RAD51B: variants seen among roughly 807,000 people sequenced by gnomAD.
RAD51B encodes RAD51 paralog B.
In RAD51B, 38 loss-of-function variants were observed where a neutral mutation model predicts 42.2. The observed-to-expected ratio is 0.90, with a 90% CI of 0.70 to 1.18. The LOEUF (loss-of-function observed/expected upper bound fraction) is 1.18, where lower values mean the gene tolerates loss of function less well. Ranked by LOEUF, RAD51B falls within the 50% of genes most tolerant of loss-of-function variation. RAD51B has a pLI of 0.00. For synonymous variants in RAD51B, 154 were observed against 145.2 expected, an observed-to-expected ratio of 1.06 and a Z score of -0.43; for missense variants, 373 against 400.7, an observed-to-expected ratio of 0.93 and a Z score of 0.59.
At chr14:67,854,733 C>T (rs996678815) in intron 4 of RAD51B, among the ~76,000 whole-genome samples, 2 of 149,794 alleles carry the variant, frequency 1.3e-5, no homozygotes, top group Non-Finnish European at 3.0e-5. Flanking sequence ...GAGGCTGAAG[C>T]AGAAGGATCG....
intron 10 of RAD51B, chr14:68,497,074 A>T: frequency 7.5e-7 from 1 of 1,339,554 alleles, no homozygotes; most frequent in Non-Finnish European, 1.0e-6. Context: ...GCAAGCCTTC[A>T]ACATCTTTTT....
chr14:67,910,604 A>T (rs1034238056), intron 7 of RAD51B, among the ~76,000 whole-genome samples: 1 of 151,652 alleles, frequency 6.6e-6, no homozygotes, highest in Non-Finnish European at 1.5e-5. Flanking sequence ...TTTTTTTTTA[A>T]AATTTTACTG....
chr14:68,321,795 T>A (rs1432071678), intron 8 of RAD51B, among the ~76,000 whole-genome samples: 1 of 152,176 alleles, frequency 6.6e-6, no homozygotes, highest in Non-Finnish European at 1.5e-5. Context: ...CTGTCATCCC[T>A]GCTGGAGTAC....
At chr14:68,042,424 A>G (rs1326975567) in intron 7 of RAD51B, among the ~76,000 whole-genome samples, 1 of 152,228 alleles carries the variant, frequency 6.6e-6, no homozygotes, top group East Asian at 1.9e-4. Context: ...TTTGTAAAGC[A>G]AGGAACAAAG....
intron 8 of RAD51B, among the ~76,000 whole-genome samples, chr14:68,316,052 A>C (rs905303289): frequency 6.6e-6 from 1 of 152,226 alleles, no homozygotes; most frequent in Non-Finnish European, 1.5e-5. Flanking sequence ...TTTACTTGAT[A>C]GCTCATTGAG....
chr14:68,387,452 TA>T (rs1353477533), intron 8 of RAD51B, among the ~76,000 whole-genome samples: 1 of 152,244 alleles, frequency 6.6e-6, no homozygotes, highest in African/African-American at 2.4e-5. Flanking sequence ...ACGTTTTTGT[TA>T]ATAACTATAT....
intron 7 of RAD51B, among the ~76,000 whole-genome samples, chr14:67,989,707 G>A (rs1369184797): frequency 6.6e-6 from 1 of 151,656 alleles, no homozygotes; most frequent in South Asian, 2.1e-4. Context: ...GGGACAGTGG[G>A]TTGGGGGGCA....
At chr14:68,412,516 A>T (rs2084447069) in intron 9 of RAD51B, among the ~76,000 whole-genome samples, 1 of 152,372 alleles carries the variant, frequency 6.6e-6, no homozygotes, top group South Asian at 2.1e-4. Flanking sequence ...TCAAGGAAGC[A>T]GGAATCATCA....
intron 10 of RAD51B, among the ~76,000 whole-genome samples, chr14:68,647,174 G>C (rs2140134845): frequency 6.6e-6 from 1 of 152,164 alleles, no homozygotes; most frequent in South Asian, 2.1e-4. Flanking sequence ...TTCACCTGTT[G>C]ATTTTTTTCA....
intron 5 of RAD51B, among the ~76,000 whole-genome samples, chr14:67,865,739 C>T (rs947556394): frequency 1.3e-5 from 2 of 151,238 alleles, no homozygotes; most frequent in East Asian, 2.0e-4. Context: ...AGTGTTTCAC[C>T]TTATTGGCCA....
At chr14:68,432,901 C>T (rs1015097256) in intron 9 of RAD51B, among the ~76,000 whole-genome samples, 10 of 152,240 alleles carry the variant, frequency 6.6e-5, no homozygotes, top group African/African-American at 2.2e-4. Context: ...TATTCCTTTC[C>T]ATGTTTAGTG....
intron 7 of RAD51B, among the ~76,000 whole-genome samples, chr14:67,926,212 A>T (rs954493452): frequency 1.4e-4 from 22 of 152,144 alleles, no homozygotes; most frequent in African/African-American, 4.6e-4. Context: ...AAACTTTTAT[A>T]TTCTGCTTCC....
chr14:68,289,428 G>A (rs918847760), intron 7 of RAD51B, among the ~76,000 whole-genome samples: 4 of 151,976 alleles, frequency 2.6e-5, no homozygotes, highest in Non-Finnish European at 4.4e-5. Context: ...TTATAAAAGA[G>A]AAATGGCCGG....
rs146346614 is a variant in RAD51B, at chr14:68,476,705, G to A, written c.1037-943G>A. 6.3e-4 allele frequency among the ~76,000 whole-genome samples: 96 copies of A among 152,228 alleles called. 1 individual carries two copies. Among genetic ancestry groups the A allele is most frequent in the African/African-American group, 1.9e-3 (80 of 41,542 alleles). On this transcript the variant is annotated intron_variant, in intron 10 of 10. Coordinates refer to ENST00000471583, the MANE Select transcript of RAD51B (RefSeq NM_133510.4). Reference sequence around the variant, plus strand: ...ATCACATGCTGCTCGCCAGCCATGCGAAACTTCTGTTTCCTCACACATGCC... The same window carrying A: ...ATCACATGCTGCTCGCCAGCCATGCAAAACTTCTGTTTCCTCACACATGCC...
chr14:68,483,520 A>G (rs1478367289), intron 10 of RAD51B, among the ~76,000 whole-genome samples: 6 of 152,168 alleles, frequency 3.9e-5, no homozygotes, highest in Admixed American at 1.3e-4. Context: ...CCTGATTTCA[A>G]TGACACATTC....
chr14:68,170,963 C>A (rs1219820586), intron 7 of RAD51B, among the ~76,000 whole-genome samples: 3 of 152,174 alleles, frequency 2.0e-5, no homozygotes, highest in African/African-American at 7.2e-5. Context: ...TTGGTTTTGG[C>A]CTTTGGGTAG....
intron 7 of RAD51B, among the ~76,000 whole-genome samples, chr14:68,002,329 T>C (rs1055518142): frequency 2.1e-4 from 32 of 152,232 alleles, no homozygotes; most frequent in Non-Finnish European, 4.4e-4. Flanking sequence ...TAGCTGCATG[T>C]ATATCTTCTT....
intron 10 of RAD51B, among the ~76,000 whole-genome samples, chr14:68,525,702 C>T (rs1886879193): frequency 6.6e-6 from 1 of 152,194 alleles, no homozygotes; most frequent in Admixed American, 6.5e-5. Context: ...CAACAAGCTG[C>T]TTTTCACACC....
chr14:67,951,554 A>C (rs2074448214), intron 7 of RAD51B, among the ~76,000 whole-genome samples: 1 of 152,216 alleles, frequency 6.6e-6, no homozygotes, highest in South Asian at 2.1e-4. Context: ...TTTTTAAGTT[A>C]CAAAGTTGGA....
Sources: gnomAD v4.1 joint callset for allele counts (sites outside exome capture counted in the v4.1 genomes callset) on GRCh38, gnomAD v4.1.1 for gene constraint, MANE v1.5 for transcripts, NCBI Gene and HGNC (gene_info 2026-07-23, HGNC 2026-07-21) for gene names.